The following SFMBT1 variants were observed in gnomAD, a reference collection of about 807,000 sequenced individuals.
The protein encoded by SFMBT1 is scm-like with four MBT domains protein 1.
SFMBT1 carries 32 observed loss-of-function variants against 108.7 expected under a neutral mutation model. The observed-to-expected ratio is 0.29, with a 90% CI of 0.22 to 0.40. SFMBT1 has a LOEUF of 0.40. Ranked by LOEUF, SFMBT1 falls within the 10% of genes least tolerant of loss-of-function variation. The pLI is 1.00. For missense variants in SFMBT1, 816 were observed against 1,059.6 expected (o/e 0.77, Z 3.19); for synonymous variants, 348 against 369.5 (o/e 0.94, Z 0.67).
intron 1 of SFMBT1, among the ~76,000 whole-genome samples, chr3:53,035,565 T>C (rs1575453500): frequency 1.3e-5 from 2 of 152,218 alleles, no homozygotes; most frequent in African/African-American, 4.8e-5. Flanking sequence ...TTCATGTTGG[T>C]AGAATAGCAA....
chr3:52,966,557 G>A (rs796923781), intron 2 of SFMBT1, among the ~76,000 whole-genome samples: 2 of 145,804 alleles, frequency 1.4e-5, no homozygotes, highest in East Asian at 2.0e-4. Flanking sequence ...CCCAGGAGGC[G>A]GAGCTTGCAG....
At chr3:53,040,029 T>C (rs996075587) in intron 1 of SFMBT1, among the ~76,000 whole-genome samples, 3 of 152,200 alleles carry the variant, frequency 2.0e-5, no homozygotes, top group African/African-American at 7.2e-5. Flanking sequence ...AAAAGGTATC[T>C]TAAAGTTACA....
chr3:53,002,887 C>T (rs973560887), intron 1 of SFMBT1, among the ~76,000 whole-genome samples: 19 of 150,174 alleles, frequency 1.3e-4, no homozygotes, highest in East Asian at 1.2e-3. Context: ...TGTTTTCCCC[C>T]GCTCTCTGGT....
intron 18 of SFMBT1, 32 bp from the exon 19 acceptor site, chr3:52,907,346 T>C: frequency 6.3e-7 from 1 of 1,584,384 alleles, no homozygotes; most frequent in Admixed American, 1.8e-5. Context: ...CTCATTGAAA[T>C]TCAGGACATC....
Position 52,997,197 on chromosome 3 carries a change from T to C in SFMBT1, c.-130-27939A>G, listed in dbSNP as rs534235806. Among the ~76,000 whole-genome samples, 15 of 150,368 alleles carry C rather than the reference T, an allele frequency of 1.0e-4. 1 individual carries two copies. The highest frequency in any genetic ancestry group is 3.6e-4 in the African/African-American group (15 of 41,422). ...ACACAAAGACTTTACTTGTGTTCAC[T>C]GCCAAGAACTAGAAATAACCCAAAT... On this transcript the variant is annotated intron_variant, in intron 1 of 20. Transcript: ENST00000394752.
chr3:52,998,397 A>C (rs1698416596), intron 1 of SFMBT1, among the ~76,000 whole-genome samples: 1 of 150,240 alleles, frequency 6.7e-6, no homozygotes, highest in Admixed American at 6.7e-5. Context: ...GTCTCAAAAA[A>C]AAGAAAAGAA....
At chr3:52,931,554 AC>A (rs776591757) in intron 6 of SFMBT1, among the ~76,000 whole-genome samples, 11 of 152,004 alleles carry the variant, frequency 7.2e-5, no homozygotes, top group Non-Finnish European at 1.6e-4. Flanking sequence ...AAAAGTAGGC[AC>A]TTGGCCAGGT....
chr3:53,022,477 A>T (rs1203718554), intron 1 of SFMBT1, among the ~76,000 whole-genome samples: 1 of 151,196 alleles, frequency 6.6e-6, no homozygotes, highest in Non-Finnish European at 1.5e-5. Context: ...AAAAAAGCAA[A>T]CATAAGACCC....
chr3:52,910,549 C>T (rs1036405954), intron 17 of SFMBT1, among the ~76,000 whole-genome samples: 16 of 152,098 alleles, frequency 1.1e-4, no homozygotes, highest in African/African-American at 2.7e-4. Context: ...AGTGCAGTGG[C>T]GCAATCTCAG....
chr3:52,945,659 T>C (rs1703341871), intron 3 of SFMBT1, among the ~76,000 whole-genome samples: 2 of 151,186 alleles, frequency 1.3e-5, no homozygotes, highest in South Asian at 4.2e-4. Flanking sequence ...CAAAAAAAAT[T>C]AGCCAAGCAT....
intron 14 of SFMBT1, among the ~76,000 whole-genome samples, chr3:52,914,587 C>CA (rs869287180): frequency 6.6e-6 from 1 of 151,590 alleles, no homozygotes; most frequent in Non-Finnish European, 1.5e-5. Flanking sequence ...AAAACAAAAA[C>CA]AAAAAAATCA....
intron 8 of SFMBT1, among the ~76,000 whole-genome samples, chr3:52,929,188 G>A (rs1259615458): frequency 8.5e-5 from 13 of 152,154 alleles, no homozygotes; most frequent in Non-Finnish European, 5.9e-5. Context: ...ATGCTACTAT[G>A]TATTAGTTTT....
chr3:52,945,234 A>C (rs572824853), intron 3 of SFMBT1, among the ~76,000 whole-genome samples: 1 of 151,846 alleles, frequency 6.6e-6, no homozygotes, highest in Non-Finnish European at 1.5e-5. Flanking sequence ...GTGATGCCAG[A>C]AAGTAAGGAA....
intron 1 of SFMBT1, among the ~76,000 whole-genome samples, chr3:52,997,023 C>T (rs768411851): frequency 6.7e-6 from 1 of 149,186 alleles, no homozygotes; most frequent in Admixed American, 6.8e-5. Context: ...GAGCCGAGAT[C>T]GCACCACTGC....
chr3:52,937,132 C>T (rs1361514696), intron 4 of SFMBT1, among the ~76,000 whole-genome samples: 10 of 152,132 alleles, frequency 6.6e-5, no homozygotes, highest in East Asian at 1.9e-4. Context: ...TGAGCCACCA[C>T]GCCCGGCCAC....
intron 2 of SFMBT1, among the ~76,000 whole-genome samples, 179 bp from the exon 3 acceptor site, chr3:52,954,590 A>C (rs1053224155): frequency 1.3e-5 from 2 of 152,186 alleles, no homozygotes; most frequent in African/African-American, 2.4e-5. Context: ...AGGTGCCCTT[A>C]GTGCACTGAT....
chr3:53,021,383 A>C (rs1699300976), intron 1 of SFMBT1, among the ~76,000 whole-genome samples: 4 of 152,348 alleles, frequency 2.6e-5, no homozygotes, highest in Admixed American at 1.3e-4. Context: ...CAAAATGTTA[A>C]AGCTGGGTGA....
At chr3:52,996,206 CTTTTT>C (rs35167235) in intron 1 of SFMBT1, among the ~76,000 whole-genome samples, 10 of 88,128 alleles carry the variant, frequency 1.1e-4, no homozygotes, top group South Asian at 9.8e-4. Flanking sequence ...ATAAACAATC[CTTTTT>C]TTTTTTTTTT....
At position 52,910,974 on chromosome 3, in the gene SFMBT1, G is replaced by A. The variant is rs1259969105; in HGVS notation, c.1906+29C>T. ...GATGTAAGGTATGGTCAGCTGCTAT[G>A]GTTAACACATTGGAAAAACATGACT... On this transcript the variant is annotated intron_variant, in intron 17 of 20. Transcript: ENST00000394752. 11 of 1,610,008 alleles carry A rather than the reference G, an allele frequency of 6.8e-6. No homozygotes were observed. The South Asian group carries it at 1.2e-4, about 18-fold the overall frequency.
Sources: gnomAD v4.1 joint callset for allele counts (sites outside exome capture counted in the v4.1 genomes callset) on GRCh38, gnomAD v4.1.1 for gene constraint, MANE v1.5 for transcripts, NCBI Gene and HGNC (gene_info 2026-07-23, HGNC 2026-07-21) for gene names.